The following NLGN4X variants were observed in gnomAD, a reference collection of about 807,000 sequenced individuals.
NLGN4X encodes the protein neuroligin-4, X-linked.
In NLGN4X, 3 loss-of-function variants were observed where a neutral mutation model predicts 40.3. The observed-to-expected ratio is 0.07, with a 90% confidence interval of 0.03 to 0.19. NLGN4X has a LOEUF of 0.19. NLGN4X is among the 10% of genes least tolerant of loss of function. The probability of loss-of-function intolerance (pLI) is 1.00; values close to 1 mark genes in which losing one functional copy is unlikely to be tolerated. For missense variants in NLGN4X, 382 were observed against 708.3 expected (o/e 0.54, Z 5.23); for synonymous variants, 270 against 306.8 (o/e 0.88, Z 1.25).
chrX:5,932,353 T>C (rs774051829), intron 3 of NLGN4X, among the ~76,000 whole-genome samples: 61 of 111,861 alleles, frequency 5.5e-4, no homozygotes, highest in Middle Eastern at 4.7e-3. Flanking sequence ...ACCAGAGTGA[T>C]GGATGAGTTT....
chrX:6,200,220 A>T (rs1317975392), intron 1 of NLGN4X, among the ~76,000 whole-genome samples: 1 of 112,324 alleles, frequency 8.9e-6, no homozygotes, highest in Non-Finnish European at 1.9e-5. Flanking sequence ...ACACATATCC[A>T]TAAGTAGACA....
intron 1 of NLGN4X, among the ~76,000 whole-genome samples, chrX:6,180,979 G>A (rs1288506207): frequency 9.0e-6 from 1 of 111,489 alleles, no homozygotes; most frequent in Non-Finnish European, 1.9e-5. Context: ...ATTCTTTGGG[G>A]AAAACCAATA....
intron 1 of NLGN4X, among the ~76,000 whole-genome samples, chrX:6,190,804 C>T (rs1380484171): frequency 1.8e-5 from 2 of 111,168 alleles, no homozygotes; most frequent in African/African-American, 6.5e-5. Context: ...ATTCAAATGG[C>T]CCAAGATGGA....
intron 3 of NLGN4X, among the ~76,000 whole-genome samples, chrX:5,931,526 C>A (rs1026151504): frequency 8.9e-6 from 1 of 111,939 alleles, no homozygotes; most frequent in African/African-American, 3.2e-5. Context: ...AGTATTTCAC[C>A]ATTTCTCAAT....
At chrX:6,082,905 TA>T (rs899183854) in intron 2 of NLGN4X, among the ~76,000 whole-genome samples, 2 of 108,190 alleles carry the variant, frequency 1.8e-5, no homozygotes, top group African/African-American at 6.8e-5. Flanking sequence ...CCAAGGGTCT[TA>T]GGTTTTCCCA....
chrX:6,109,095 C>T (rs1183931405), intron 2 of NLGN4X, among the ~76,000 whole-genome samples: 1 of 111,113 alleles, frequency 9.0e-6, no homozygotes, highest in Non-Finnish European at 1.9e-5. Context: ...GATGCTATCG[C>T]TACAAAAATC....
intron 3 of NLGN4X, among the ~76,000 whole-genome samples, chrX:5,978,636 A>C (rs2035282466): frequency 8.9e-6 from 1 of 112,282 alleles, no homozygotes. Flanking sequence ...GAGCATAAGG[A>C]AACAGTGAGG....
chrX:6,107,698 C>T (rs1748286438), intron 2 of NLGN4X, among the ~76,000 whole-genome samples: 1 of 111,880 alleles, frequency 8.9e-6, no homozygotes, highest in South Asian at 3.8e-4. Flanking sequence ...CCCTCACCCC[C>T]TCCCAGCCTT....
chrX:6,149,429 T>C (rs1045650481), intron 2 of NLGN4X, among the ~76,000 whole-genome samples: 4 of 112,113 alleles, frequency 3.6e-5, no homozygotes, highest in African/African-American at 1.3e-4. Context: ...TTGTCTTCCT[T>C]TCTTTTTGGT....
chrX:6,118,792 C>T (rs1412275244), intron 2 of NLGN4X, among the ~76,000 whole-genome samples: 1 of 111,440 alleles, frequency 9.0e-6, no homozygotes, highest in Admixed American at 9.6e-5. Context: ...AAAGCCCTCT[C>T]AACGGCCTAC....
intron 1 of NLGN4X, among the ~76,000 whole-genome samples, chrX:6,218,483 C>T (rs1019360007): frequency 7.4e-5 from 8 of 108,696 alleles, no homozygotes; most frequent in African/African-American, 1.0e-4. Context: ...CCCACACACA[C>T]ACACACACAC....
intron 2 of NLGN4X, among the ~76,000 whole-genome samples, chrX:6,114,284 TTTAC>T (rs1405816176): frequency 9.0e-6 from 1 of 111,675 alleles, no homozygotes; most frequent in Non-Finnish European, 1.9e-5. Flanking sequence ...TATTAGTCAC[TTTAC>T]TTATTTAGTT....
Position 6,151,408 on chromosome X carries a change from A to G in NLGN4X, c.59T>C (p.Met20Thr). 8.3e-7 allele frequency: 1 copy of G among 1,211,834 alleles called. No homozygotes were observed. Among genetic ancestry groups the G allele is most frequent in the Non-Finnish European group, 1.1e-6 (1 of 895,501 alleles). Residue 20 changes from methionine (M) to threonine (T), a missense_variant, in exon 2 of 6, where the codon ATG becomes ACG. By Grantham distance (81) the Met-to-Thr change is moderately conservative. Transcript: ENST00000381095. ...LPLLFTPVCV[M>T]LNSNVLLWLT... Reference sequence around the variant, plus strand: ...CCACAGGAGGACATTGGAGTTTAACATGACGCAGACCGGGGTGAACAACAA... The same window carrying G: ...CCACAGGAGGACATTGGAGTTTAACGTGACGCAGACCGGGGTGAACAACAA...
At chrX:5,983,770 T>C (rs149200376) in intron 3 of NLGN4X, among the ~76,000 whole-genome samples, 3,782 of 111,516 alleles carry the variant, frequency 0.034, 168 homozygotes, top group African/African-American at 0.12. Flanking sequence ...AGACCTAGTC[T>C]CTAAAAAAAT....
chrX:5,934,462 T>C (rs915175833), intron 3 of NLGN4X, among the ~76,000 whole-genome samples: 1 of 112,031 alleles, frequency 8.9e-6, no homozygotes, highest in Non-Finnish European at 1.9e-5. Flanking sequence ...GAATGATCAA[T>C]ATGACAGGAA....
At chrX:6,049,963 C>T (rs1048608163) in intron 2 of NLGN4X, among the ~76,000 whole-genome samples, 9 of 111,207 alleles carry the variant, frequency 8.1e-5, no homozygotes, top group African/African-American at 1.3e-4. Context: ...TGCATGAATA[C>T]AATTAATGCA....
At chrX:6,079,058 G>C (rs986866540) in intron 2 of NLGN4X, among the ~76,000 whole-genome samples, 2 of 109,162 alleles carry the variant, frequency 1.8e-5, no homozygotes, top group African/African-American at 6.7e-5. Flanking sequence ...TAAATTTCCT[G>C]AGGCCTTCCC....
At chrX:6,035,834 A>G (rs771992735) in intron 2 of NLGN4X, among the ~76,000 whole-genome samples, 8 of 108,871 alleles carry the variant, frequency 7.3e-5, no homozygotes, top group African/African-American at 2.3e-4. Context: ...AGTGGTAAAT[A>G]TATGTTCTCT....
At chrX:5,898,663 CG>C (rs1251549374) in intron 5 of NLGN4X, among the ~76,000 whole-genome samples, 2 of 111,200 alleles carry the variant, frequency 1.8e-5, no homozygotes, top group Non-Finnish European at 3.8e-5. Context: ...TCCACGGCAC[CG>C]TGTAGTGACA....
Sources: allele counts gnomAD v4.1 joint callset (sites outside exome capture counted in the v4.1 genomes callset), GRCh38; gene constraint gnomAD v4.1.1; transcripts MANE v1.5; gene names NCBI Gene and HGNC (gene_info 2026-07-23, HGNC 2026-07-21).